KCNH7: variants seen among roughly 807,000 people sequenced by gnomAD.
KCNH7 encodes the protein voltage-gated inwardly rectifying potassium channel KCNH7.
In KCNH7, 49 loss-of-function variants were observed where a neutral mutation model predicts 120.8. The observed-to-expected ratio is 0.41, with a 90% CI of 0.32 to 0.51. The LOEUF (loss-of-function observed/expected upper bound fraction) is 0.51, where lower values mean the gene tolerates loss of function less well. Ranked by LOEUF, KCNH7 falls within the 20% of genes least tolerant of loss-of-function variation. The pLI is 0.38. For missense variants in KCNH7, 1,097 were observed against 1,446.6 expected, an observed-to-expected ratio of 0.76 and a Z score of 3.92; for synonymous variants, 547 against 516.1, an observed-to-expected ratio of 1.06 and a Z score of -0.81.
intron 2 of KCNH7, among the ~76,000 whole-genome samples, chr2:162,816,443 T>C (rs1259097804): frequency 6.6e-6 from 1 of 152,058 alleles, no homozygotes; most frequent in Admixed American, 6.6e-5. Flanking sequence ...AGTGGAAAAG[T>C]ACAAACAGAA....
intron 2 of KCNH7, among the ~76,000 whole-genome samples, chr2:162,593,161 G>A (rs542638331): frequency 1.4e-4 from 22 of 152,116 alleles, no homozygotes; most frequent in African/African-American, 4.6e-4. Context: ...TTCTTAGTTC[G>A]AGGGTATATA....
chr2:162,770,567 C>T (rs1434999), intron 2 of KCNH7, among the ~76,000 whole-genome samples: 42,503 of 151,718 alleles, frequency 0.28, 6,906 homozygotes, highest in African/African-American at 0.45. Context: ...TTTGAGATAA[C>T]GGCTTTGAGA....
chr2:162,754,429 T>G (rs1035558647), intron 2 of KCNH7, among the ~76,000 whole-genome samples: 5 of 152,116 alleles, frequency 3.3e-5, no homozygotes, highest in Non-Finnish European at 7.4e-5. Context: ...AAAATTAAAT[T>G]AATGAATGAG....
chr2:162,448,142 C>T (rs1342100931), intron 6 of KCNH7, among the ~76,000 whole-genome samples: 1 of 152,026 alleles, frequency 6.6e-6, no homozygotes, highest in African/African-American at 2.4e-5. Context: ...CCAAGATACA[C>T]ACATATATAA....
At chr2:162,456,200 C>G (rs1023037460) in intron 6 of KCNH7, among the ~76,000 whole-genome samples, 8 of 151,966 alleles carry the variant, frequency 5.3e-5, no homozygotes, top group African/African-American at 1.9e-4. Context: ...CTCTACTCAG[C>G]AGTCATTCAG....
intron 2 of KCNH7, among the ~76,000 whole-genome samples, chr2:162,583,441 C>T (rs1233165179): frequency 6.6e-6 from 1 of 151,994 alleles, no homozygotes; most frequent in Non-Finnish European, 1.5e-5. Context: ...AAAGCTTAAA[C>T]AAGTTGAAAT....
In KCNH7 at chr2:162,685,217, G is replaced by T. The variant is rs550576722; in HGVS notation, c.308-148137C>A. 2.9e-4 allele frequency among the ~76,000 whole-genome samples: 44 copies of T among 152,056 alleles called. No homozygotes were observed. In the East Asian group the frequency reaches 7.0e-3, roughly 24 times the overall value. ...GTTGGGGCTGGGGAACTAGGGGAGG[G>T]ATAGCATTAGGAGAAATACCTAACA... On this transcript the variant is annotated intron_variant, in intron 2 of 15. Transcript: ENST00000332142.
chr2:162,643,085 C>T (rs180966039), intron 2 of KCNH7, among the ~76,000 whole-genome samples: 1 of 152,096 alleles, frequency 6.6e-6, no homozygotes. Flanking sequence ...TTAGAGAAAT[C>T]CAGACTTAAT....
intron 2 of KCNH7, among the ~76,000 whole-genome samples, chr2:162,752,258 T>A (rs540800998): frequency 6.6e-6 from 1 of 152,246 alleles, no homozygotes; most frequent in African/African-American, 2.4e-5. Flanking sequence ...AGGAAAAAAT[T>A]TTTAGCTCAA....
Position 162,576,688 on chromosome 2 carries a change from C to T in KCNH7, c.308-39608G>A, listed in dbSNP as rs188691636. 6.4e-3 allele frequency among the ~76,000 whole-genome samples: 972 copies of T among 151,420 alleles called. 6 individuals carry two copies. Among genetic ancestry groups the T allele is most frequent in the Non-Finnish European group, 0.011 (739 of 67,870 alleles). ...TTTTCCTGTTTACAAGAGGGTACAA[C>T]GAAAACAAGTGGTAAAACATACACT... On this transcript the variant is annotated intron_variant, in intron 2 of 15. Coordinates refer to ENST00000332142, the MANE Select transcript of KCNH7 (RefSeq NM_033272.4).
chr2:162,432,656 A>G (rs1474130420), intron 8 of KCNH7, among the ~76,000 whole-genome samples: 2 of 152,040 alleles, frequency 1.3e-5, no homozygotes, highest in African/African-American at 2.4e-5. Context: ...GCATTGAAAG[A>G]TCATACTTTG....
At chr2:162,502,423 T>C (rs185604084) in intron 6 of KCNH7, 29 of 152,228 alleles carry the variant, frequency 1.9e-4, no homozygotes, top group African/African-American at 7.0e-4. Flanking sequence ...TTAATTCTTA[T>C]ATCAACTCTG....
At chr2:162,626,918 C>T (rs946384775) in intron 2 of KCNH7, among the ~76,000 whole-genome samples, 6 of 152,148 alleles carry the variant, frequency 3.9e-5, no homozygotes, top group African/African-American at 1.4e-4. Flanking sequence ...GTCTTTCTTA[C>T]ACTGTGGTAC....
chr2:162,551,174 A>G lies in KCNH7; in HGVS notation c.308-14094T>C, dbSNP rs149239883. Among the ~76,000 whole-genome samples, 391 of 152,288 alleles carry G rather than the reference A, an allele frequency of 2.6e-3. 1 individual carries two copies. Among genetic ancestry groups the G allele is most frequent in the Middle Eastern group, 0.01 (3 of 294 alleles). ...GGTATTCATCAGAAGGCGAGTTCTT[A>G]ATGACAGAAAGTAAAACAAAGAAAC... On this transcript the variant is annotated intron_variant, in intron 2 of 15. Coordinates refer to ENST00000332142, the MANE Select transcript of KCNH7 (RefSeq NM_033272.4).
At chr2:162,547,488 C>T (rs1692518294) in intron 2 of KCNH7, among the ~76,000 whole-genome samples, 1 of 152,152 alleles carries the variant, frequency 6.6e-6, no homozygotes, top group Admixed American at 6.5e-5. Context: ...TAATAGCTAA[C>T]TTTTATTAAA....
At chr2:162,651,783 CT>C (rs560404540) in intron 2 of KCNH7, among the ~76,000 whole-genome samples, 66 of 152,218 alleles carry the variant, frequency 4.3e-4, no homozygotes, top group African/African-American at 1.5e-3. Flanking sequence ...TGTCATACTG[CT>C]TTCTACAATG....
chr2:162,674,619 AAG>A (rs1395772713), intron 2 of KCNH7, among the ~76,000 whole-genome samples: 1 of 151,778 alleles, frequency 6.6e-6, no homozygotes, highest in Admixed American at 6.6e-5. Context: ...TAATAATTAA[AAG>A]AGATGATATA....
intron 2 of KCNH7, among the ~76,000 whole-genome samples, chr2:162,728,489 T>C (rs893857333): frequency 9.2e-5 from 14 of 152,186 alleles, no homozygotes; most frequent in African/African-American, 3.4e-4. Flanking sequence ...AGTTTAAAAC[T>C]TTGATGAGGC....
intron 2 of KCNH7, among the ~76,000 whole-genome samples, chr2:162,661,739 T>G (rs1355733163): frequency 6.6e-6 from 1 of 152,044 alleles, no homozygotes; most frequent in African/African-American, 2.4e-5. Context: ...TCATGTAATA[T>G]TGAGAAGGAG....
Sources: gnomAD v4.1 joint callset for allele counts (sites outside exome capture counted in the v4.1 genomes callset) on GRCh38, gnomAD v4.1.1 for gene constraint, MANE v1.5 for transcripts, NCBI Gene and HGNC (gene_info 2026-07-23, HGNC 2026-07-21) for gene names.